Variants in ERCC5 observed in about 807,000 individuals in gnomAD.
ERCC5 encodes the protein ERCC excision repair 5, endonuclease.
In ERCC5, 68 loss-of-function variants were observed where a neutral mutation model predicts 105.6. That is an observed-to-expected ratio of 0.64 (90% CI 0.53 to 0.79). The LOEUF is 0.79. Among genes scored for constraint, ERCC5 ranks in the 30% least tolerant of loss-of-function variants. ERCC5 has a pLI of 0.00. For synonymous variants in ERCC5, 546 were observed against 526.2 expected (o/e 1.04, Z -0.51); for missense variants, 1,373 against 1,426.7 (o/e 0.96, Z 0.61).
rs4150289 is a variant in ERCC5, at chr13:102,856,828, C to A, written c.528+716C>A. 1.9e-4 allele frequency among the ~76,000 whole-genome samples: 29 copies of A among 152,306 alleles called. No individual in the cohort carries two copies. In the South Asian group the frequency reaches 5.4e-3, roughly 28 times the overall value. On this transcript the variant is annotated intron_variant, in intron 5 of 14. Coordinates refer to ENST00000652225, the MANE Select transcript of ERCC5 (RefSeq NM_000123.4). The stretch of plus-strand genomic sequence containing the variant: ...TTGTGGCCTCTCCACGTGGCCTGGG[C>A]ATTTTCCCAGCATGATGACTGTATT...
In ERCC5 at chr13:102,854,379, A is replaced by G; in HGVS notation, c.467+5A>G. 6.2e-7 allele frequency: 1 copy of G among 1,613,260 alleles called. No homozygotes were observed. The highest frequency in any genetic ancestry group is 2.2e-5 in the East Asian group (1 of 44,874). On this transcript the variant is annotated splice_donor_5th_base_variant and intron_variant, in intron 4 of 14. Coordinates refer to ENST00000652225, the MANE Select transcript of ERCC5 (RefSeq NM_000123.4). ...ACAAGAGGAAGAAAAACACAGGTAA[A>G]TGTTTAACTATTTAAGAATATTATT...
intron 10 of ERCC5, 68 bp downstream of exon 10, chr13:102,866,449 A>T: frequency 6.2e-7 from 1 of 1,613,250 alleles, no homozygotes. Context: ...CACTGCATGA[A>T]GGGGGTATGC....
Position 102,858,296 on chromosome 13 carries a change from C to T in ERCC5, c.550C>T (p.Gln184Ter), listed in dbSNP as rs774188914. The change falls in exon 6 of 15, where the codon CAA becomes TAA. Residue 184 changes from glutamine (Q) to a stop codon, truncating the protein, a stop_gained. Coordinates refer to ENST00000652225, the MANE Select transcript of ERCC5 (RefSeq NM_000123.4). LOFTEE classifies it high-confidence loss of function. ...ALQEEFFHNPQAIDIESEDFS... is the reference protein window; with the variant it reads ...ALQEEFFHNP ...ACAGGAAGAGTTCTTTCATAATCCTCAAGCGATAGATATTGAGTCTGAGGA... is the reference window on the plus strand; with the variant it reads ...ACAGGAAGAGTTCTTTCATAATCCTTAAGCGATAGATATTGAGTCTGAGGA... 2.5e-6 allele frequency: 4 copies of T among 1,614,002 alleles called. No homozygotes were observed. Among genetic ancestry groups the T allele is most frequent in the Admixed American group, 3.3e-5 (2 of 60,008 alleles).
chr13:102,866,667 G>A lies in ERCC5; in HGVS notation c.2355G>A (p.Gln785=), dbSNP rs1263716740. 1.2e-6 allele frequency: 2 copies of A among 1,613,996 alleles called. No homozygotes were observed. Among genetic ancestry groups the A allele is most frequent in the East Asian group, 4.5e-5 (2 of 44,886 alleles). The change falls in exon 11 of 15, where the codon CAG becomes CAA. Residue 785 remains glutamine (Q), a synonymous_variant. Transcript: ENST00000652225. ...LLRLFGIPYI[Q]APMEAEAQCA... ...GCCTGTTCGGCATTCCCTACATCCAGGCTCCCATGGAAGCAGAGGCGCAGT... is the reference window on the plus strand; with the variant it reads ...GCCTGTTCGGCATTCCCTACATCCAAGCTCCCATGGAAGCAGAGGCGCAGT...
chr13:102,861,180 G>C (rs1482264954), intron 6 of ERCC5, among the ~76,000 whole-genome samples: 4 of 151,876 alleles, frequency 2.6e-5, no homozygotes, highest in African/African-American at 9.7e-5. Context: ...GTAGAGACAG[G>C]GTTTCACCAC....
At chr13:102,854,183 C>A in intron 3 of ERCC5, 105 bp from the exon 4 acceptor site, 1 of 1,217,796 alleles carries the variant, frequency 8.2e-7, no homozygotes, top group Non-Finnish European at 1.2e-6. Context: ...CTCTCGGCTG[C>A]ATTTATTTTC....
intron 6 of ERCC5, among the ~76,000 whole-genome samples, chr13:102,860,396 G>A (rs1016967404): frequency 7.9e-5 from 12 of 152,222 alleles, no homozygotes; most frequent in African/African-American, 2.9e-4. Flanking sequence ...ACCTCAGCGT[G>A]TGATAAGTGC....
intron 12 of ERCC5, 129 bp downstream of exon 12, chr13:102,868,386 A>T: frequency 7.7e-7 from 1 of 1,298,094 alleles, no homozygotes. Context: ...AAGCAGCAGA[A>T]AGTATTGGTT....
intron 14 of ERCC5, among the ~76,000 whole-genome samples, chr13:102,873,687 C>A (rs1883105721): frequency 6.6e-6 from 1 of 152,142 alleles, no homozygotes; most frequent in Admixed American, 6.5e-5. Flanking sequence ...CAAAGCAATT[C>A]TGATCATTTA....
intron 1 of ERCC5, among the ~76,000 whole-genome samples, chr13:102,846,758 T>A (rs1188502234): frequency 6.6e-6 from 1 of 152,066 alleles, no homozygotes; most frequent in Non-Finnish European, 1.5e-5. Context: ...TTATTTATTT[T>A]TTTCCATCGC....
At position 102,854,059 on chromosome 13, in the gene ERCC5, AATCAACTT is replaced by A. The variant is rs1882306809; in HGVS notation, c.380+188_380+195del. 5.5e-6 allele frequency: 4 copies of A among 731,722 alleles called. No individual in the cohort carries two copies. In the Admixed American group the frequency reaches 8.1e-5, roughly 15 times the overall value. 45.3% of individuals were successfully genotyped at this position (731,722 alleles called of 1,614,324 possible). ...TTGTGGCAATTCTCCGTTCTGTGAG[AATCAACTT>A]TGCTAATGAGAAAAAAAAGCTGTCG... On this transcript the variant is annotated intron_variant, in intron 3 of 14. Coordinates refer to ENST00000652225, the MANE Select transcript of ERCC5 (RefSeq NM_000123.4).
In ERCC5 at chr13:102,858,428, G is replaced by A; in HGVS notation, c.672+10G>A. On this transcript the variant is annotated intron_variant, in intron 6 of 14. Coordinates refer to ENST00000652225, the MANE Select transcript of ERCC5 (RefSeq NM_000123.4). ...TGAAGCAATGCCAGAGGTGAAATATGCAACAGTACATTCATGCTTAGAATT... is the reference window on the plus strand; with the variant it reads ...TGAAGCAATGCCAGAGGTGAAATATACAACAGTACATTCATGCTTAGAATT... 6.2e-7 allele frequency: 1 copy of A among 1,614,058 alleles called. No homozygotes were observed. Among genetic ancestry groups the A allele is most frequent in the Non-Finnish European group, 8.5e-7 (1 of 1,179,980 alleles).
chr13:102,872,482 A>G (rs983677063), intron 13 of ERCC5, 84 bp downstream of exon 13: 1 of 1,529,302 alleles, frequency 6.5e-7, no homozygotes, highest in Non-Finnish European at 8.9e-7. Flanking sequence ...AACTTGGATC[A>G]TTTTTTTCTT....
intron 5 of ERCC5, among the ~76,000 whole-genome samples, chr13:102,856,412 A>G (rs1262835464): frequency 6.6e-6 from 1 of 152,258 alleles, no homozygotes; most frequent in Non-Finnish European, 1.5e-5. Context: ...AAAATATAGA[A>G]AACATATCAT....
chr13:102,853,942 G>C lies in ERCC5; in HGVS notation c.380+70G>C. On this transcript the variant is annotated intron_variant, in intron 3 of 14. Transcript: ENST00000652225. The stretch of plus-strand genomic sequence containing the variant: ...AGTGATTTTTGTCTTGATTTCCTGC[G>C]ATTCTCTTTCCCTATCTAATTTTGA... 4 of 1,430,828 alleles carry C rather than the reference G, an allele frequency of 2.8e-6. No homozygotes were observed. The South Asian group carries it at 4.7e-5, about 17-fold the overall frequency. 88.6% of individuals were successfully genotyped at this position (1,430,828 alleles called of 1,614,324 possible).
chr13:102,861,956 C>T, intron 7 of ERCC5, 74 bp from the exon 8 acceptor site: 4 of 1,564,782 alleles, frequency 2.6e-6, no homozygotes, highest in Non-Finnish European at 3.5e-6. Flanking sequence ...CCAGTGTTCT[C>T]TTATCCATCT....
At position 102,861,489 on chromosome 13, in the gene ERCC5, T is replaced by A. The variant is rs532961678; in HGVS notation, c.673-18T>A. 1 of 1,613,592 alleles carries A rather than the reference T, an allele frequency of 6.2e-7. No individual in the cohort carries two copies. Among genetic ancestry groups the A allele is most frequent in the Admixed American group, 1.7e-5 (1 of 60,030 alleles). On this transcript the variant is annotated intron_variant, in intron 6 of 14. Transcript: ENST00000652225. ...TTTAATATAAAACAGTAATTTTGTT[T>A]GTTTATTTTGCCTTTAGGAGTCTGA...
At position 102,852,163 on chromosome 13, in the gene ERCC5, G is replaced by A. The variant is rs140917545; in HGVS notation, c.134G>A (p.Arg45His). The change falls in exon 2 of 15, where the codon CGC (arginine) becomes CAC (histidine). Residue 45 changes from arginine (R) to histidine (H), a missense_variant. Physicochemically the swap from Arg to His is conservative, Grantham distance 29. Around this residue, in one of 3 missense-constraint regions of ERCC5, gnomAD observed 1,004 missense variants for 1,059.7 expected, o/e 0.95. Transcript: ENST00000652225. Reference sequence around the variant, plus strand: ...CAAGCACTTAAAGGAGTCCGGGATCGCCATGGGAACTCAATAGAAAATCCT... The same window carrying A: ...CAAGCACTTAAAGGAGTCCGGGATCACCATGGGAACTCAATAGAAAATCCT... The part of the protein sequence containing the change: ...LNQALKGVRD[R>H]HGNSIENPHL... The A allele has an allele frequency of 5.2e-5, 84 of 1,614,048 alleles. No individual in the cohort carries two copies. In the African/African-American group the frequency reaches 6.9e-4, roughly 13 times the overall value.
chr13:102,856,015 A>G (rs1882403042), intron 4 of ERCC5, 37 bp from the exon 5 acceptor site: 2 of 1,609,654 alleles, frequency 1.2e-6, no homozygotes, highest in African/African-American at 2.7e-5. Context: ...GGGTCCTTAA[A>G]AATCATAGAT....
Sources: gnomAD v4.1 joint callset for allele counts (sites outside exome capture counted in the v4.1 genomes callset) on GRCh38, gnomAD v4.1.1 for gene constraint, gnomAD v4.1.1 regional missense constraint, MANE v1.5 for transcripts, NCBI Gene and HGNC (gene_info 2026-07-23, HGNC 2026-07-21) for gene names.